PON1: variants seen among roughly 807,000 people sequenced by gnomAD.
The protein encoded by PON1 is serum paraoxonase/arylesterase 1.
PON1 carries 37 observed loss-of-function variants against 39.2 expected under a neutral mutation model. The ratio of observed to expected loss-of-function variants is 0.94; its 90% CI spans 0.73 to 1.24. The LOEUF (loss-of-function observed/expected upper bound fraction) is 1.24, where lower values mean the gene tolerates loss of function less well. PON1 is among the 50% of genes most tolerant of loss of function. The pLI, the probability that PON1 is intolerant of heterozygous loss-of-function variation, is 0.00. For synonymous variants in PON1, 148 were observed against 152.2 expected (o/e 0.97, Z 0.21); for missense variants, 397 against 413.5 (o/e 0.96, Z 0.35).
intron 1 of PON1, among the ~76,000 whole-genome samples, chr7:95,322,271 T>TTA (rs3046669): frequency 0.6 from 87,992 of 146,394 alleles, 27,245 homozygotes; most frequent in Admixed American, 0.71. Context: ...TGCCTGATTT[T>TTA]TATATATATA....
At chr7:95,306,021 G>C (rs1292208514) in intron 7 of PON1, among the ~76,000 whole-genome samples, 2 of 152,132 alleles carry the variant, frequency 1.3e-5, no homozygotes, top group Non-Finnish European at 2.9e-5. Context: ...GAGGATCTGG[G>C]AACACAATGC....
At chr7:95,320,149 G>T (rs750753821) in intron 1 of PON1, among the ~76,000 whole-genome samples, 5 of 152,154 alleles carry the variant, frequency 3.3e-5, no homozygotes, top group Admixed American at 6.5e-5. Context: ...CACTGAATGG[G>T]CCAAGACTTG....
At chr7:95,316,361 T>C (rs1363164383) in intron 3 of PON1, among the ~76,000 whole-genome samples, 2 of 152,228 alleles carry the variant, frequency 1.3e-5, no homozygotes, top group Non-Finnish European at 2.9e-5. Flanking sequence ...AAAGTTGAAA[T>C]GACCTGTGAA....
In PON1 at chr7:95,318,398, G is replaced by A. The variant is rs111747790; in HGVS notation, c.75-5C>T. 9 of 1,600,266 alleles carry A rather than the reference G, an allele frequency of 5.6e-6. No homozygotes were observed. Among genetic ancestry groups the A allele is most frequent in the Non-Finnish European group, 6.9e-6 (8 of 1,167,822 alleles). Reference sequence around the variant, plus strand: ...CGGAGAGCATTAAGTCGTGTTCTGTGGGGGAGAAAGAAATAAAACACACAC... The same window carrying A: ...CGGAGAGCATTAAGTCGTGTTCTGTAGGGGAGAAAGAAATAAAACACACAC... On this transcript the variant is annotated splice_polypyrimidine_tract_variant and splice_region_variant and intron_variant, in intron 1 of 8. Transcript: ENST00000222381.
intron 1 of PON1, among the ~76,000 whole-genome samples, chr7:95,321,447 A>G (rs1320013611): frequency 6.6e-6 from 1 of 152,226 alleles, no homozygotes. Flanking sequence ...ATTTTCTGCT[A>G]CTACACACGC....
In PON1 at chr7:95,315,187, T is replaced by A. The variant is rs189671819; in HGVS notation, c.370+135A>T. 18 of 821,990 alleles carry A rather than the reference T, an allele frequency of 2.2e-5. No homozygotes were observed. The East Asian group carries it at 4.3e-4, about 20-fold the overall frequency. The allele number at this position is 821,990 out of a possible 1,614,324, so 50.9% of individuals were successfully genotyped here. Reference sequence around the variant, plus strand: ...AAGTTCAATTAACATAGAGGGTAAGTTTAAAACCCAGAGTAAGAACATTAT... The same window carrying A: ...AAGTTCAATTAACATAGAGGGTAAGATTAAAACCCAGAGTAAGAACATTAT... On this transcript the variant is annotated intron_variant, in intron 4 of 8. Transcript: ENST00000222381.
intron 1 of PON1, among the ~76,000 whole-genome samples, chr7:95,319,447 C>T (rs1001736971): frequency 4.6e-5 from 7 of 152,102 alleles, no homozygotes; most frequent in Admixed American, 2.6e-4. Context: ...AAAAATCTGA[C>T]GTAAGAGGCA....
Position 95,315,399 on chromosome 7 carries a change from A to C in PON1, c.293T>G (p.Leu98Trp), listed in dbSNP as rs760420599. The C allele has an allele frequency of 1.2e-6, 2 of 1,613,866 alleles. No individual in the cohort carries two copies. The highest frequency in any genetic ancestry group is 1.7e-6 in the Non-Finnish European group (2 of 1,179,732). ...TTTACTTCCAGTGATCCCCAATTCCAACACTGTTGGATCTTCTTCATTCAG... is the reference window on the plus strand; with the variant it reads ...TTTACTTCCAGTGATCCCCAATTCCCACACTGTTGGATCTTCTTCATTCAG... Reference protein sequence around the residue: ...MDLNEEDPTVLELGITGSKFD... With the variant: ...MDLNEEDPTVWELGITGSKFD... Residue 98 changes from leucine to tryptophan, a missense_variant, in exon 4 of 9, where the codon TTG becomes TGG. By Grantham distance (61) the Leu-to-Trp change is moderately conservative (BLOSUM62 -2). Coordinates refer to ENST00000222381, the MANE Select transcript of PON1 (RefSeq NM_000446.7).
chr7:95,303,608 C>T (rs1031830413), intron 7 of PON1, among the ~76,000 whole-genome samples: 10 of 152,132 alleles, frequency 6.6e-5, no homozygotes, highest in Non-Finnish European at 1.0e-4. Context: ...CTGCAAGGAA[C>T]GCAACACCTG....
intron 5 of PON1, among the ~76,000 whole-genome samples, chr7:95,310,810 C>T (rs3917531): frequency 0.15 from 23,247 of 152,112 alleles, 2,267 homozygotes; most frequent in East Asian, 0.43. Flanking sequence ...AAGATAGAGT[C>T]GGATTGTTCT....
intron 2 of PON1, among the ~76,000 whole-genome samples, chr7:95,317,573 CA>C (rs869140411): frequency 0.034 from 1,616 of 46,872 alleles, 22 homozygotes; most frequent in African/African-American, 0.063. Flanking sequence ...TCTAAAAGAA[CA>C]AAAAAAAAAA....
At chr7:95,313,165 T>C (rs952348537) in intron 4 of PON1, among the ~76,000 whole-genome samples, 1 of 152,180 alleles carries the variant, frequency 6.6e-6, no homozygotes, top group Non-Finnish European at 1.5e-5. Flanking sequence ...AAGGAGGGTG[T>C]TGGAAATCAA....
chr7:95,318,482 T>C, intron 1 of PON1, 89 bp from the exon 2 acceptor site: 4 of 1,231,558 alleles, frequency 3.2e-6, no homozygotes, highest in Non-Finnish European at 4.7e-6. Context: ...AAGTTCTCCT[T>C]CACTGTACTT....
intron 1 of PON1, among the ~76,000 whole-genome samples, chr7:95,320,403 C>T (rs1807870498): frequency 6.6e-6 from 1 of 152,206 alleles, no homozygotes; most frequent in African/African-American, 2.4e-5. Context: ...GGCATTAAGT[C>T]AGCACTTGTT....
At chr7:95,301,277 G>A (rs752553815) in intron 8 of PON1, among the ~76,000 whole-genome samples, 1 of 152,148 alleles carries the variant, frequency 6.6e-6, no homozygotes, top group Non-Finnish European at 1.5e-5. Flanking sequence ...TAACTAAGGT[G>A]GAAGATGAGA....
intron 1 of PON1, among the ~76,000 whole-genome samples, chr7:95,321,775 G>A (rs1807904231): frequency 6.6e-6 from 1 of 152,026 alleles, no homozygotes; most frequent in Non-Finnish European, 1.5e-5. Context: ...TTACCCACTG[G>A]AAAGACCCCT....
rs771886998 is a variant in PON1, at chr7:95,324,418, G to T, written c.58C>A (p.His20Asn). 6.2e-7 allele frequency: 1 copy of T among 1,614,180 alleles called. No individual in the cohort carries two copies. ...CCAACTTACTGGTAAGAAGACTGGTGGTTCCTGAAGAGTGCCAGTCCCATC... is the reference window on the plus strand; with the variant it reads ...CCAACTTACTGGTAAGAAGACTGGTTGTTCCTGAAGAGTGCCAGTCCCATC... ...LGMGLALFRN[H>N]QSSYQTRLNA... Residue 20 changes from histidine (H) to asparagine (N), a missense_variant, in exon 1 of 9, where the codon CAC (histidine) becomes AAC (asparagine). Transcript: ENST00000222381.
intron 7 of PON1, among the ~76,000 whole-genome samples, chr7:95,303,952 G>T (rs1807486928): frequency 6.6e-6 from 1 of 152,088 alleles, no homozygotes; most frequent in African/African-American, 2.4e-5. Flanking sequence ...TTTTTTTGGA[G>T]AGAGGAGAGA....
intron 8 of PON1, among the ~76,000 whole-genome samples, chr7:95,301,232 A>C (rs1807414021): frequency 6.6e-6 from 1 of 152,196 alleles, no homozygotes; most frequent in African/African-American, 2.4e-5. Flanking sequence ...CACTGAATAA[A>C]GACCGTGGAC....
Sources: allele counts gnomAD v4.1 joint callset (sites outside exome capture counted in the v4.1 genomes callset), GRCh38; gene constraint gnomAD v4.1.1; transcripts MANE v1.5; gene names NCBI Gene and HGNC (gene_info 2026-07-23, HGNC 2026-07-21).